GRIK3: variants seen among roughly 807,000 people sequenced by gnomAD.
GRIK3 encodes glutamate receptor ionotropic, kainate 3.
A neutral mutation model predicts 102.5 loss-of-function variants in GRIK3; 29 were observed. That is an observed-to-expected ratio of 0.28 (90% CI 0.21 to 0.39). The LOEUF (loss-of-function observed/expected upper bound fraction) is 0.39. Among genes scored for constraint, GRIK3 ranks in the 10% least tolerant of loss-of-function variants. The probability of loss-of-function intolerance (pLI) is 1.00; values close to 1 mark genes in which losing one functional copy is unlikely to be tolerated. For synonymous variants in GRIK3, 511 were observed against 504.9 expected (o/e 1.01, Z -0.16); for missense variants, 908 against 1,252.4 (o/e 0.73, Z 4.15).
chr1:37,027,210 A>G (rs1393733737), intron 1 of GRIK3, among the ~76,000 whole-genome samples: 8 of 152,140 alleles, frequency 5.3e-5, no homozygotes, highest in Admixed American at 2.0e-4. Flanking sequence ...CGATTTCCAA[A>G]GGAAATAAAA....
chr1:36,979,337 T>C (rs886188293), intron 1 of GRIK3, among the ~76,000 whole-genome samples: 1 of 152,238 alleles, frequency 6.6e-6, no homozygotes, highest in African/African-American at 2.4e-5. Context: ...TGGGGATTGG[T>C]GTCCAGTTCT....
intron 1 of GRIK3, among the ~76,000 whole-genome samples, chr1:37,010,008 G>T (rs902296224): frequency 1.3e-5 from 2 of 152,190 alleles, no homozygotes; most frequent in Admixed American, 6.5e-5. Flanking sequence ...AGAAAGAGGG[G>T]GGAGCAGAGT....
intron 2 of GRIK3, among the ~76,000 whole-genome samples, chr1:36,884,342 G>C (rs1351954960): frequency 6.6e-6 from 1 of 152,190 alleles, no homozygotes; most frequent in Non-Finnish European, 1.5e-5. Flanking sequence ...GTCAAATTTA[G>C]GACTAGTTCT....
chr1:36,986,925 A>T (rs1642312951), intron 1 of GRIK3, among the ~76,000 whole-genome samples: 1 of 152,186 alleles, frequency 6.6e-6, no homozygotes, highest in Non-Finnish European at 1.5e-5. Context: ...GTCATTTCAG[A>T]TCTCGGTCTA....
chr1:37,034,149 G>C lies in GRIK3; in HGVS notation c.-41C>G. The C allele has an allele frequency of 9.9e-7, 1 of 1,009,546 alleles. No homozygotes were observed. Among genetic ancestry groups the C allele is most frequent in the South Asian group, 1.7e-5 (1 of 59,646 alleles). The allele number at this position is 1,009,546 out of a possible 1,614,324, so 62.5% of individuals were successfully genotyped here. ...AGCGTGCCCGGGGCGCGGCCGTGGC[G>C]GGCTCCCTGGGGCGGCAGCTCTAGG... On this transcript the variant is annotated 5_prime_UTR_variant, in exon 1 of 16. Transcript: ENST00000373091.
At chr1:37,007,496 A>G (rs748817159) in intron 1 of GRIK3, among the ~76,000 whole-genome samples, 1 of 152,184 alleles carries the variant, frequency 6.6e-6, no homozygotes, top group Non-Finnish European at 1.5e-5. Context: ...AGGGCCCTCC[A>G]GAGAAAGAGG....
chr1:36,985,049 T>C (rs1642289930), intron 1 of GRIK3, among the ~76,000 whole-genome samples: 1 of 152,018 alleles, frequency 6.6e-6, no homozygotes, highest in South Asian at 2.1e-4. Flanking sequence ...TTCTGGGCAC[T>C]GGCATTCAGA....
intron 1 of GRIK3, among the ~76,000 whole-genome samples, chr1:37,008,592 C>A (rs771936201): frequency 3.7e-4 from 57 of 152,348 alleles, no homozygotes; most frequent in Non-Finnish European, 6.9e-4. Context: ...GGCTGTTCCA[C>A]ATGAAGAGAC....
At chr1:37,007,611 G>A (rs1415220137) in intron 1 of GRIK3, among the ~76,000 whole-genome samples, 1 of 152,228 alleles carries the variant, frequency 6.6e-6, no homozygotes, top group African/African-American at 2.4e-5. Context: ...TCCAGATGAG[G>A]ACGCACAAAC....
intron 1 of GRIK3, among the ~76,000 whole-genome samples, chr1:36,940,039 G>GT (rs1402317898): frequency 1.3e-5 from 2 of 152,352 alleles, no homozygotes; most frequent in South Asian, 4.1e-4. Flanking sequence ...AGACAACACA[G>GT]TCCCTCTGTC....
At chr1:37,022,777 C>A (rs534319918) in intron 1 of GRIK3, among the ~76,000 whole-genome samples, 1 of 152,322 alleles carries the variant, frequency 6.6e-6, no homozygotes, top group African/African-American at 2.4e-5. Context: ...ATTTATTCAA[C>A]AAATATTTAT....
rs1208118582 is a variant in GRIK3 at position 36,872,970 on chromosome 1, C to G, written c.551-601G>C. On this transcript the variant is annotated intron_variant, in intron 3 of 15. Transcript: ENST00000373091. The surrounding 1 kb of genome is among the most constrained non-coding windows in gnomAD (Gnocchi z 5.9). ...ATTTGTGTCTCCGCCCTCGTCCTCA[C>G]TAAGGGCAGTCTGCCTTGGTAAACC... Among the ~76,000 whole-genome samples the G allele has an allele frequency of 6.6e-6, 1 of 152,238 alleles. No homozygotes were observed. Among genetic ancestry groups the G allele is most frequent in the Non-Finnish European group, 1.5e-5 (1 of 68,036 alleles).
intron 5 of GRIK3, among the ~76,000 whole-genome samples, chr1:36,861,178 T>A (rs1211257036): frequency 6.6e-6 from 1 of 152,206 alleles, no homozygotes; most frequent in East Asian, 1.9e-4. Flanking sequence ...ATCCTACTGG[T>A]TCCCTCGTTA....
intron 1 of GRIK3, among the ~76,000 whole-genome samples, chr1:37,019,434 T>G (rs763471735): frequency 5.9e-5 from 9 of 152,142 alleles, no homozygotes; most frequent in Non-Finnish European, 1.0e-4. Context: ...TGAGCCTCAT[T>G]ACTCCTCCCC....
intron 1 of GRIK3, among the ~76,000 whole-genome samples, chr1:36,968,095 C>T (rs532340227): frequency 4.6e-5 from 7 of 152,132 alleles, no homozygotes; most frequent in Admixed American, 6.5e-5. Flanking sequence ...AACCCTGCCC[C>T]AGCTACCCCC....
At chr1:36,809,065 A>G (rs753996698) in intron 13 of GRIK3, among the ~76,000 whole-genome samples, 2 of 152,002 alleles carry the variant, frequency 1.3e-5, no homozygotes, top group Admixed American at 6.6e-5. Flanking sequence ...TCCCTCTACT[A>G]CTAGAGGTGA....
chr1:36,989,927 A>C (rs879866836), intron 1 of GRIK3, among the ~76,000 whole-genome samples: 1 of 152,214 alleles, frequency 6.6e-6, no homozygotes, highest in Non-Finnish European at 1.5e-5. Flanking sequence ...TTTGAGGCTC[A>C]TTAAAATCCT....
intron 1 of GRIK3, among the ~76,000 whole-genome samples, chr1:37,030,902 G>T (rs1381507111): frequency 6.6e-6 from 1 of 152,158 alleles, no homozygotes; most frequent in Admixed American, 6.5e-5. Context: ...CCAGGGAGAG[G>T]TGTGATTTGA....
chr1:36,922,276 G>A (rs1008671076), intron 1 of GRIK3, among the ~76,000 whole-genome samples: 1 of 152,198 alleles, frequency 6.6e-6, no homozygotes, highest in African/African-American at 2.4e-5. Flanking sequence ...GGAAGGAGGA[G>A]AACAATGAGA....
Sources: gnomAD v4.1 joint callset for allele counts (sites outside exome capture counted in the v4.1 genomes callset) on GRCh38, gnomAD v4.1.1 for gene constraint, Gnocchi (gnomAD v3.1) non-coding constraint, MANE v1.5 for transcripts, NCBI Gene and HGNC (gene_info 2026-07-23, HGNC 2026-07-21) for gene names.